The following CCDC91 variants were observed in gnomAD, a reference collection of about 807,000 sequenced individuals.
The protein encoded by CCDC91 is coiled-coil domain containing 91.
Under a neutral mutation model 63.2 loss-of-function variants are expected in CCDC91, and 48 were observed. The ratio of observed to expected loss-of-function variants is 0.76; its 90% CI spans 0.60 to 0.97. The LOEUF is 0.97. Ranked by LOEUF, CCDC91 falls within the 50% of genes least tolerant of loss-of-function variation. The pLI is 0.00. For synonymous variants in CCDC91, 167 were observed against 165.8 expected (o/e 1.01, Z -0.06); for missense variants, 500 against 494.6 (o/e 1.01, Z -0.10).
intron 11 of CCDC91, among the ~76,000 whole-genome samples, chr12:28,456,772 GTGATGCTTATTCA>G (rs1950076961): frequency 6.6e-6 from 1 of 152,120 alleles, no homozygotes; most frequent in Non-Finnish European, 1.5e-5. Flanking sequence ...TATTAAATGT[GTGATGCTTATTCA>G]TGAGCCTAGA....
At chr12:28,532,276 C>G (rs530077448) in intron 12 of CCDC91, among the ~76,000 whole-genome samples, 130 of 152,054 alleles carry the variant, frequency 8.5e-4, no homozygotes, top group Non-Finnish European at 7.9e-4. Context: ...GTGAATATCC[C>G]TATCAAATAT....
chr12:28,298,361 GT>G lies in CCDC91; in HGVS notation c.110-7272del, dbSNP rs113354105. On this transcript the variant is annotated intron_variant, in intron 3 of 12. Transcript: ENST00000536442. ...TTATTGGTCTGTTGCTGATTGTTGAGTTTTTTTTTTTTTTTTCCCCCCACAA... is the reference window on the plus strand; with the variant it reads ...TTATTGGTCTGTTGCTGATTGTTGAGTTTTTTTTTTTTTTTCCCCCCACAA... Among the ~76,000 whole-genome samples, 330 of 122,092 alleles carry G rather than the reference GT, an allele frequency of 2.7e-3. 1 individual carries two copies. Among genetic ancestry groups the G allele is most frequent in the African/African-American group, 5.0e-3 (179 of 35,558 alleles). 80.1% of individuals were successfully genotyped at this position (122,092 alleles called of 152,430 possible).
intron 11 of CCDC91, among the ~76,000 whole-genome samples, chr12:28,471,573 G>A (rs1950815029): frequency 6.6e-6 from 1 of 152,090 alleles, no homozygotes; most frequent in Admixed American, 6.6e-5. Context: ...AGAACAACCA[G>A]TCCAGTTTGG....
chr12:28,421,288 A>G (rs975378907), intron 8 of CCDC91, among the ~76,000 whole-genome samples: 10 of 152,028 alleles, frequency 6.6e-5, no homozygotes, highest in Admixed American at 4.6e-4. Context: ...GGGATTTGGT[A>G]TATAGATTAT....
chr12:28,192,449 A>G (rs1941343914), intron 1 of CCDC91, among the ~76,000 whole-genome samples: 1 of 152,174 alleles, frequency 6.6e-6, no homozygotes, highest in South Asian at 2.1e-4. Context: ...GGTCATAATT[A>G]CAGCACTCCT....
intron 12 of CCDC91, among the ~76,000 whole-genome samples, chr12:28,542,595 C>G (rs1487281572): frequency 6.6e-6 from 1 of 152,056 alleles, no homozygotes; most frequent in Non-Finnish European, 1.5e-5. Context: ...TTAAGGCACC[C>G]AGCACTGCGT....
intron 7 of CCDC91, among the ~76,000 whole-genome samples, chr12:28,388,586 A>G (rs969222352): frequency 6.6e-6 from 1 of 152,238 alleles, no homozygotes; most frequent in Admixed American, 6.5e-5. Flanking sequence ...AAAACTAGAA[A>G]ACACTGCTGA....
At chr12:28,319,793 CATA>C (rs995635695) in intron 6 of CCDC91, among the ~76,000 whole-genome samples, 8 of 151,454 alleles carry the variant, frequency 5.3e-5, no homozygotes, top group Non-Finnish European at 1.0e-4. Context: ...TATATTGTAT[CATA>C]ATAATACAAT....
At chr12:28,255,010 AG>A (rs1946354439) in intron 1 of CCDC91, among the ~76,000 whole-genome samples, 1 of 152,052 alleles carries the variant, frequency 6.6e-6, no homozygotes, top group South Asian at 2.1e-4. Context: ...TGCTGACCTC[AG>A]GTGATCCGCC....
chr12:28,480,188 A>G (rs1951368670), intron 11 of CCDC91, among the ~76,000 whole-genome samples: 1 of 152,022 alleles, frequency 6.6e-6, no homozygotes, highest in African/African-American at 2.4e-5. Context: ...ATAACATTCA[A>G]CATGAGCTAC....
At chr12:28,545,906 C>T (rs1333137431) in intron 12 of CCDC91, among the ~76,000 whole-genome samples, 2 of 152,048 alleles carry the variant, frequency 1.3e-5, no homozygotes, top group African/African-American at 4.8e-5. Flanking sequence ...TATATTCCCT[C>T]AAAAGGAGAA....
intron 6 of CCDC91, among the ~76,000 whole-genome samples, chr12:28,353,675 G>A (rs1198322354): frequency 3.3e-5 from 5 of 152,098 alleles, no homozygotes; most frequent in Non-Finnish European, 5.9e-5. Flanking sequence ...CATTTATTAA[G>A]TTTGCCATCT....
intron 6 of CCDC91, among the ~76,000 whole-genome samples, chr12:28,345,727 A>G (rs1434884180): frequency 6.6e-6 from 1 of 152,092 alleles, no homozygotes; most frequent in Admixed American, 6.5e-5. Flanking sequence ...ATTAATATTT[A>G]TGACCATGTT....
intron 3 of CCDC91, among the ~76,000 whole-genome samples, chr12:28,268,117 G>A (rs1947481068): frequency 6.7e-6 from 1 of 149,576 alleles, no homozygotes; most frequent in Non-Finnish European, 1.5e-5. Context: ...AGGCTGCAGT[G>A]CACTGGCACA....
At chr12:28,438,456 A>G (rs1000166914) in intron 8 of CCDC91, among the ~76,000 whole-genome samples, 6 of 152,096 alleles carry the variant, frequency 3.9e-5, no homozygotes, top group African/African-American at 1.4e-4. Context: ...TTGATCTTAG[A>G]CTTTCTAGCT....
chr12:28,506,410 C>G (rs1592889937), intron 12 of CCDC91, among the ~76,000 whole-genome samples: 1 of 151,930 alleles, frequency 6.6e-6, no homozygotes, highest in East Asian at 1.9e-4. Context: ...GAGGAAGCAT[C>G]TAATTGAACT....
chr12:28,493,130 A>T (rs1199444018), intron 12 of CCDC91, among the ~76,000 whole-genome samples: 1 of 151,750 alleles, frequency 6.6e-6, no homozygotes, highest in Admixed American at 6.6e-5. Context: ...TACTGTCTCA[A>T]TCCTCACAAC....
chr12:28,484,029 G>GT (rs1285828305), intron 11 of CCDC91, 23 bp from the exon 12 acceptor site: 1 of 1,483,926 alleles, frequency 6.7e-7, no homozygotes, highest in African/African-American at 1.4e-5. Context: ...CTCCCTGACT[G>GT]TTTTGCCTTC....
chr12:28,476,480 G>A (rs1951100760), intron 11 of CCDC91, among the ~76,000 whole-genome samples: 1 of 152,012 alleles, frequency 6.6e-6, no homozygotes, highest in African/African-American at 2.4e-5. Context: ...TTGTGTAGAG[G>A]GATATTTATA....
Sources: allele counts gnomAD v4.1 joint callset (sites outside exome capture counted in the v4.1 genomes callset), GRCh38; gene constraint gnomAD v4.1.1; transcripts MANE v1.5; gene names NCBI Gene and HGNC (gene_info 2026-07-23, HGNC 2026-07-21).